Variants in AKNA observed in about 807,000 individuals in gnomAD.
AKNA encodes the protein AT-hook transcription factor, also known as microtubule organization protein AKNA.
In AKNA, 67 loss-of-function variants were observed where a neutral mutation model predicts 138.8. The observed-to-expected ratio is 0.48, with a 90% CI of 0.40 to 0.59. The LOEUF is 0.59. AKNA is among the 20% of genes least tolerant of loss of function. The pLI is 0.00. For missense variants in AKNA, 1,813 were observed against 1,880.4 expected, an observed-to-expected ratio of 0.96 and a Z score of 0.66; for synonymous variants, 737 against 754.4, an observed-to-expected ratio of 0.98 and a Z score of 0.38.
Position 114,381,170 on chromosome 9 carries a change from A to G in AKNA, c.164T>C (p.Leu55Pro). ...CTGGGCCAGGCGGAAGTCCTCTAGGAGCTCGGGGCTGGTGGCATTGGGAAA... is the reference window on the plus strand; with the variant it reads ...CTGGGCCAGGCGGAAGTCCTCTAGGGGCTCGGGGCTGGTGGCATTGGGAAA... ...RLFPNATSPE[L>P]LEDFRLAQQH... The change falls in exon 2 of 22, where the codon CTC becomes CCC. Residue 55 changes from leucine (L) to proline (P), a missense_variant. Leu to Pro is a moderately conservative substitution (Grantham distance 98, BLOSUM62 -3). Coordinates refer to ENST00000374088, the MANE Select transcript of AKNA (RefSeq NM_001317950.2). The G allele has an allele frequency of 6.2e-7, 1 of 1,613,234 alleles. No homozygotes were observed. Among genetic ancestry groups the G allele is most frequent in the Non-Finnish European group, 8.5e-7 (1 of 1,179,976 alleles).
chr9:114,379,155 G>A (rs1238975379), intron 2 of AKNA, among the ~76,000 whole-genome samples: 1 of 152,216 alleles, frequency 6.6e-6, no homozygotes, highest in Non-Finnish European at 1.5e-5. Flanking sequence ...ACGTACTAGG[G>A]GTGAAGGGGC....
chr9:114,350,945 G>T lies in AKNA; in HGVS notation c.3135C>A (p.Pro1045=). ...QPLPNKTISP[P]PAPAPAAAPL... is the part of the protein sequence containing the mutation. ...GCGCAGCGGCAGGGGCGGGGGCTGGGGGTGGGCTGATTGTCTTGTTGGGAA... is the reference window on the plus strand; with the variant it reads ...GCGCAGCGGCAGGGGCGGGGGCTGGTGGTGGGCTGATTGTCTTGTTGGGAA... Residue 1045 remains proline, a synonymous_variant, in exon 15 of 22, where the codon CCC becomes CCA. Transcript: ENST00000374088. The T allele has an allele frequency of 6.2e-7, 1 of 1,612,902 alleles. No individual in the cohort carries two copies. Among genetic ancestry groups the T allele is most frequent in the Admixed American group, 1.7e-5 (1 of 59,968 alleles).
At chr9:114,333,838 T>C (rs1829903488), downstream of AKNA, among the ~76,000 whole-genome samples, 1 of 150,980 alleles carries the variant, frequency 6.6e-6, no homozygotes, top group Admixed American at 6.6e-5. Flanking sequence ...TGTGATATTG[T>C]TTGGCTCTGT....
At chr9:114,346,637 C>T (rs761613093) in intron 17 of AKNA, 32 bp downstream of exon 17, 1 of 1,556,250 alleles carries the variant, frequency 6.4e-7, no homozygotes, top group South Asian at 1.2e-5. Flanking sequence ...ACTGTGGCCT[C>T]TGGAAATCAG....
Position 114,356,139 on chromosome 9 carries a change from G to A in AKNA, c.2847-3C>T, listed in dbSNP as rs745893698. Reference sequence around the variant, plus strand: ...GCTGGGCTAATGTTCCTGCTGTGCTGGGGGACCGTGGAGGAAGGGACACAC... The same window carrying A: ...GCTGGGCTAATGTTCCTGCTGTGCTAGGGGACCGTGGAGGAAGGGACACAC... On this transcript the variant is annotated splice_polypyrimidine_tract_variant and splice_region_variant and intron_variant, in intron 13 of 21. Coordinates refer to ENST00000374088, the MANE Select transcript of AKNA (RefSeq NM_001317950.2). 49 of 1,610,260 alleles carry A rather than the reference G, an allele frequency of 3.0e-5. No individual in the cohort carries two copies. The highest frequency in any genetic ancestry group is 4.2e-5 in the Non-Finnish European group (49 of 1,177,590).
intron 15 of AKNA, chr9:114,349,001 G>A (rs892405593): frequency 1.8e-5 from 8 of 456,138 alleles, no homozygotes; most frequent in African/African-American, 6.0e-5. Context: ...GTGCCCCAGC[G>A]CTGAGTGTGT....
At chr9:114,357,390 G>C (rs1207527595) in intron 12 of AKNA, among the ~76,000 whole-genome samples, 2 of 152,222 alleles carry the variant, frequency 1.3e-5, no homozygotes, top group Non-Finnish European at 2.9e-5. Flanking sequence ...AATATGTACA[G>C]GTCCTACCCG....
downstream of AKNA, chr9:114,331,004 G>A: frequency 3.1e-6 from 2 of 655,386 alleles, no homozygotes; most frequent in Non-Finnish European, 5.4e-6. Flanking sequence ...CACGTGCTCA[G>A]AAAAAATCCC....
chr9:114,340,077 C>G (rs188270856), intron 21 of AKNA, among the ~76,000 whole-genome samples: 2 of 152,110 alleles, frequency 1.3e-5, no homozygotes, highest in Non-Finnish European at 2.9e-5. Context: ...CCAGCCTGGG[C>G]GACAAAGCCA....
chr9:114,381,400 C>T lies in AKNA; in HGVS notation c.-67G>A, dbSNP rs1589029906. 2 of 1,459,652 alleles carry T rather than the reference C, an allele frequency of 1.4e-6. No individual in the cohort carries two copies. The allele number at this position is 1,459,652 out of a possible 1,614,324, so 90.4% of individuals were successfully genotyped here. The stretch of plus-strand genomic sequence containing the variant: ...GAGACAGAGCTGCTGCCAGGGGCCC[C>T]AGAGTCACCGCTGGTTCCTGTCAGC... On this transcript the variant is annotated 5_prime_UTR_variant, in exon 2 of 22. Coordinates refer to ENST00000374088, the MANE Select transcript of AKNA (RefSeq NM_001317950.2).
intron 11 of AKNA, 54 bp from the exon 12 acceptor site, chr9:114,358,221 G>A: frequency 6.2e-7 from 1 of 1,607,228 alleles, no homozygotes; most frequent in Non-Finnish European, 8.5e-7. Context: ...CCCTGACGCA[G>A]GGGTTGGCCT....
intron 9 of AKNA, among the ~76,000 whole-genome samples, chr9:114,361,299 T>C (rs555481166): frequency 6.6e-6 from 1 of 152,338 alleles, no homozygotes; most frequent in African/African-American, 2.4e-5. Flanking sequence ...TCTCTAGTAA[T>C]TCCTACTTAG....
intron 18 of AKNA, 30 bp downstream of exon 18, chr9:114,345,833 C>T (rs756030663): frequency 2.5e-6 from 4 of 1,610,226 alleles, no homozygotes; most frequent in East Asian, 2.2e-5. Flanking sequence ...CCAGGAGCTG[C>T]ACCCATCCCG....
rs1237905736 is a variant in AKNA at position 114,356,086 on chromosome 9, C to T, written c.2897G>A (p.Gly966Glu). The stretch of plus-strand genomic sequence containing the variant: ...ACCCCTGGCCTTGGGGTAGGAAGCT[C>T]CATCCCTGGGCACAGATGCAGCAAA... Reference protein sequence around the residue: ...QPFAASVPRDGASYPKARGSL... With the variant: ...QPFAASVPRDEASYPKARGSL... The change falls in exon 14 of 22, where the codon GGA becomes GAA. Residue 966 changes from glycine (G) to glutamate (E), a missense_variant. Transcript: ENST00000374088. 6.2e-7 allele frequency: 1 copy of T among 1,614,086 alleles called. No individual in the cohort carries two copies. The highest frequency in any genetic ancestry group is 1.1e-5 in the South Asian group (1 of 91,066).
At chr9:114,332,045 C>G (rs1829863231), downstream of AKNA, 1 of 753,174 alleles carries the variant, frequency 1.3e-6, no homozygotes, top group Non-Finnish European at 2.2e-6. Context: ...AGATCTTCTG[C>G]TTTTAGGCAC....
At chr9:114,374,307 C>T in intron 3 of AKNA, 140 bp from the exon 4 acceptor site, 1 of 816,578 alleles carries the variant, frequency 1.2e-6, no homozygotes, top group Non-Finnish European at 2.0e-6. Flanking sequence ...GGGATCCGAG[C>T]TGAGCAATCT....
At chr9:114,355,160 GC>G (rs1318681323) in intron 14 of AKNA, among the ~76,000 whole-genome samples, 1 of 139,880 alleles carries the variant, frequency 7.1e-6, no homozygotes, top group Non-Finnish European at 1.5e-5. Flanking sequence ...GAGCCACCAT[GC>G]CCGGCCTGTA....
rs550538108 is a variant in AKNA, at chr9:114,387,978, G to A, written c.-232C>T. 8.5e-5 allele frequency: 35 copies of A among 413,856 alleles called. No individual in the cohort carries two copies. Among genetic ancestry groups the A allele is most frequent in the African/African-American group, 3.2e-4 (16 of 49,528 alleles). 25.6% of individuals were successfully genotyped at this position (413,856 alleles called of 1,614,324 possible). On this transcript the variant is annotated 5_prime_UTR_variant, in exon 1 of 22. In the 5' UTR this introduces an upstream ATG that the reference lacks. Transcript: ENST00000374088. ...TTGCGCCCTGGCCCACCTCCAGGCC[G>A]TTCTGCCAGCCCAAGCTGCTGCTCA...
chr9:114,392,398 A>G (rs906915534), upstream of AKNA, among the ~76,000 whole-genome samples: 1 of 152,256 alleles, frequency 6.6e-6, no homozygotes, highest in African/African-American at 2.4e-5. Context: ...GCTGCAGAGC[A>G]CAGGTGTTAA....
Sources: gnomAD v4.1 joint callset for allele counts (sites outside exome capture counted in the v4.1 genomes callset) on GRCh38, gnomAD v4.1.1 for gene constraint, MANE v1.5 for transcripts, NCBI Gene and HGNC (gene_info 2026-07-23, HGNC 2026-07-21) for gene names.